AKAP6: variants seen among roughly 807,000 people sequenced by gnomAD.
AKAP6 encodes A-kinase anchoring protein 6, also known as A-kinase anchor protein 6.
A neutral mutation model predicts 188.5 loss-of-function variants in AKAP6; 58 were observed. That is an observed-to-expected ratio of 0.31 (90% CI 0.25 to 0.38). The LOEUF is 0.38. Among genes scored for constraint, AKAP6 ranks in the 10% least tolerant of loss-of-function variants. The pLI is 1.00. For synonymous variants in AKAP6, 989 were observed against 998.6 expected, an observed-to-expected ratio of 0.99 and a Z score of 0.18; for missense variants, 2,710 against 2,740.0, an observed-to-expected ratio of 0.99 and a Z score of 0.24.
chr14:32,582,963 T>A (rs1316162003), intron 5 of AKAP6, among the ~76,000 whole-genome samples: 1 of 152,244 alleles, frequency 6.6e-6, no homozygotes, highest in African/African-American at 2.4e-5. Context: ...AGTAGTTTGA[T>A]CATCTGAAGC....
intron 5 of AKAP6, among the ~76,000 whole-genome samples, chr14:32,593,154 G>A (rs1885558845): frequency 6.6e-6 from 1 of 151,884 alleles, no homozygotes; most frequent in African/African-American, 2.4e-5. Flanking sequence ...TCATAGACAT[G>A]CAACAAATAA....
chr14:32,652,730 A>C (rs1594814317), intron 7 of AKAP6, among the ~76,000 whole-genome samples: 1 of 152,058 alleles, frequency 6.6e-6, no homozygotes, highest in African/African-American at 2.4e-5. Flanking sequence ...TTTTCTTCCC[A>C]TTCCTCTTTC....
chr14:32,535,031 T>C (rs888238170), intron 2 of AKAP6, among the ~76,000 whole-genome samples: 3 of 148,828 alleles, frequency 2.0e-5, no homozygotes, highest in Non-Finnish European at 4.4e-5. Context: ...TTAAGTTGTA[T>C]ACTTGTGGGA....
At chr14:32,642,782 C>T (rs1887815599) in intron 7 of AKAP6, among the ~76,000 whole-genome samples, 1 of 152,098 alleles carries the variant, frequency 6.6e-6, no homozygotes, top group Admixed American at 6.5e-5. Context: ...TTTCGATGCA[C>T]AAGGATTTAC....
At chr14:32,504,938 C>T (rs546071088) in intron 2 of AKAP6, among the ~76,000 whole-genome samples, 12 of 152,292 alleles carry the variant, frequency 7.9e-5, no homozygotes, top group African/African-American at 2.6e-4. Flanking sequence ...GACAGGAAAG[C>T]GTGACAACAG....
At chr14:32,575,674 G>A (rs948574339) in intron 4 of AKAP6, among the ~76,000 whole-genome samples, 1 of 152,102 alleles carries the variant, frequency 6.6e-6, no homozygotes, top group Non-Finnish European at 1.5e-5. Flanking sequence ...TGTGAAATCT[G>A]GTTGTGATAT....
intron 7 of AKAP6, among the ~76,000 whole-genome samples, chr14:32,620,462 C>A (rs538353934): frequency 9.9e-5 from 15 of 151,840 alleles, no homozygotes; most frequent in Non-Finnish European, 1.6e-4. Context: ...TATGATGAAT[C>A]ACATTTATCG....
intron 12 of AKAP6, among the ~76,000 whole-genome samples, chr14:32,797,561 G>C (rs2033808877): frequency 6.6e-6 from 1 of 151,948 alleles, no homozygotes; most frequent in South Asian, 2.1e-4. Flanking sequence ...GAGCTAAAAG[G>C]CTAAATGATG....
Position 32,456,718 on chromosome 14 carries a change from G to A in AKAP6, c.324+22901G>A, listed in dbSNP as rs148839356. ...CTGTGGTTGGCAGGTAGGACTGGTC[G>A]TGACCAGAGTCAGAGAAGAGGATCT... is the stretch of plus-strand genomic sequence containing the variant. On this transcript the variant is annotated intron_variant, in intron 2 of 13. Transcript: ENST00000280979. Among the ~76,000 whole-genome samples, 632 of 149,316 alleles carry A rather than the reference G, an allele frequency of 4.2e-3. 8 individuals carry two copies. The highest frequency in any genetic ancestry group is 0.021 in the East Asian group (111 of 5,174).
chr14:32,439,085 A>G (rs1175661818), intron 2 of AKAP6: 1 of 152,166 alleles, frequency 6.6e-6, no homozygotes, highest in Non-Finnish European at 1.5e-5. Flanking sequence ...TTGGGTCTGT[A>G]TCTTTGATTG....
intron 7 of AKAP6, among the ~76,000 whole-genome samples, chr14:32,617,940 T>TC (rs1272506423): frequency 6.6e-6 from 1 of 152,220 alleles, no homozygotes; most frequent in Non-Finnish European, 1.5e-5. Context: ...CAGGTCATTT[T>TC]TTTTTTAGTT....
chr14:32,490,198 A>G (rs532830384), intron 2 of AKAP6, among the ~76,000 whole-genome samples: 1 of 150,464 alleles, frequency 6.6e-6, no homozygotes, highest in South Asian at 2.2e-4. Context: ...GGCTATTTTC[A>G]CTTCTTTTGT....
intron 5 of AKAP6, among the ~76,000 whole-genome samples, chr14:32,583,505 G>C (rs180739217): frequency 1.3e-5 from 2 of 152,178 alleles, no homozygotes; most frequent in African/African-American, 2.4e-5. Context: ...CTCTTCAAAG[G>C]TGTCAGACAG....
chr14:32,755,599 G>A (rs1457057420), intron 11 of AKAP6, among the ~76,000 whole-genome samples: 2 of 151,780 alleles, frequency 1.3e-5, no homozygotes, highest in African/African-American at 4.8e-5. Flanking sequence ...ATGATCTTGG[G>A]TCACTGCAGC....
chr14:32,504,500 G>A (rs753057706), intron 2 of AKAP6, among the ~76,000 whole-genome samples: 2 of 152,148 alleles, frequency 1.3e-5, no homozygotes, highest in East Asian at 1.9e-4. Context: ...GGCTGGTCTC[G>A]AACTCCTGAG....
At chr14:32,550,306 G>T (rs544172374) in intron 4 of AKAP6, among the ~76,000 whole-genome samples, 1 of 152,272 alleles carries the variant, frequency 6.6e-6, no homozygotes, top group East Asian at 1.9e-4. Context: ...TTTAAAAACC[G>T]TGCATAGATA....
chr14:32,456,739 G>A (rs1891156415), intron 2 of AKAP6, among the ~76,000 whole-genome samples: 2 of 152,182 alleles, frequency 1.3e-5, no homozygotes, highest in African/African-American at 4.8e-5. Flanking sequence ...CAGAGAAGAG[G>A]ATCTTGTCCA....
intron 2 of AKAP6, among the ~76,000 whole-genome samples, chr14:32,503,463 C>G (rs1434092288): frequency 6.6e-6 from 1 of 151,738 alleles, no homozygotes; most frequent in Non-Finnish European, 1.5e-5. Context: ...CTTTTAATGG[C>G]CCTGGATTTT....
intron 3 of AKAP6, among the ~76,000 whole-genome samples, chr14:32,539,033 T>C (rs1446736930): frequency 1.3e-5 from 2 of 152,198 alleles, no homozygotes; most frequent in African/African-American, 4.8e-5. Flanking sequence ...TTACTATGTA[T>C]AAGACTCTAT....
Sources: gnomAD v4.1 joint callset for allele counts (sites outside exome capture counted in the v4.1 genomes callset) on GRCh38, gnomAD v4.1.1 for gene constraint, MANE v1.5 for transcripts, NCBI Gene and HGNC (gene_info 2026-07-23, HGNC 2026-07-21) for gene names.